RAC2: variants seen among roughly 807,000 people sequenced by gnomAD.
RAC2 encodes the protein Rac family small GTPase 2, also known as ras-related C3 botulinum toxin substrate 2.
Under a neutral mutation model 24.0 loss-of-function variants are expected in RAC2, and 1 was observed. The ratio of observed to expected loss-of-function variants is 0.04; its 90% CI spans 0.01 to 0.20. The LOEUF (loss-of-function observed/expected upper bound fraction) is 0.20. RAC2 is among the 10% of genes least tolerant of loss of function. The pLI, the probability that RAC2 is intolerant of heterozygous loss-of-function variation, is 1.00. For missense variants in RAC2, 130 were observed against 259.1 expected, an observed-to-expected ratio of 0.50 and a Z score of 3.42; for synonymous variants, 114 against 106.8, an observed-to-expected ratio of 1.07 and a Z score of -0.41.
intron 2 of RAC2, among the ~76,000 whole-genome samples, chr22:37,234,619 C>T: frequency 6.6e-6 from 1 of 152,178 alleles, no homozygotes; most frequent in East Asian, 1.9e-4. Flanking sequence ...CTACTCCTCC[C>T]CTCGCACACC....
intron 2 of RAC2, among the ~76,000 whole-genome samples, chr22:37,233,151 TC>T (rs1927122338): frequency 6.6e-6 from 1 of 152,226 alleles, no homozygotes; most frequent in Non-Finnish European, 1.5e-5. Flanking sequence ...TGTCTCTTAA[TC>T]CTTTTCCTAC....
intron 2 of RAC2, among the ~76,000 whole-genome samples, chr22:37,238,914 G>T (rs944214323): frequency 1.4e-4 from 21 of 152,202 alleles, no homozygotes; most frequent in African/African-American, 4.8e-4. Flanking sequence ...ATGGCTGGCA[G>T]CATGGGGAGC....
intron 2 of RAC2, among the ~76,000 whole-genome samples, chr22:37,235,473 G>A (rs1397051777): frequency 6.6e-6 from 1 of 152,108 alleles, no homozygotes; most frequent in Non-Finnish European, 1.5e-5. Context: ...CAGCCATGTC[G>A]GGGCTACCAC....
At chr22:37,234,502 C>T (rs931000246) in intron 2 of RAC2, among the ~76,000 whole-genome samples, 1 of 152,296 alleles carries the variant, frequency 6.6e-6, no homozygotes, top group East Asian at 1.9e-4. Context: ...ATGCCCTCAC[C>T]GCCTGCCCCT....
chr22:37,243,599 C>T (rs898840382), intron 1 of RAC2, among the ~76,000 whole-genome samples: 1 of 152,146 alleles, frequency 6.6e-6, no homozygotes, highest in African/African-American at 2.4e-5. Flanking sequence ...GACAGCCACT[C>T]AGCTTATCTC....
intron 2 of RAC2, among the ~76,000 whole-genome samples, chr22:37,240,010 C>T (rs750707131): frequency 6.6e-6 from 1 of 152,190 alleles, no homozygotes; most frequent in African/African-American, 2.4e-5. Flanking sequence ...GGGGCAAAAG[C>T]GGCTTTCTAG....
Position 37,244,250 on chromosome 22 carries a change from C to T in RAC2, c.-102G>A. The T allele has an allele frequency of 7.5e-7, 1 of 1,338,054 alleles. No individual in the cohort carries two copies. 82.9% of individuals were successfully genotyped at this position (1,338,054 alleles called of 1,614,324 possible). On this transcript the variant is annotated 5_prime_UTR_variant, in exon 1 of 7. Transcript: ENST00000249071. ...GGCTGGTGAGGCGCCTGCTGAGGAGCAGCGGTGGTGGGGCAGGAGGAAACG... is the reference window on the plus strand; with the variant it reads ...GGCTGGTGAGGCGCCTGCTGAGGAGTAGCGGTGGTGGGGCAGGAGGAAACG...
rs759162928 is a variant in RAC2 at position 37,241,607 on chromosome 22, G to A, written c.87C>T (p.Pro29=). ...CTCACACGGTGGGGATGTACTCTCC[G>A]GGAAAGGCGTTGGTGGTGTAGCTGA... is the stretch of plus-strand genomic sequence containing the variant. ...LLISYTTNAF[P]GEYIPTVFDN... is the part of the protein sequence containing the mutation. Residue 29 remains proline, a synonymous_variant, in exon 2 of 7, where the codon CCC becomes CCT. Coordinates refer to ENST00000249071, the MANE Select transcript of RAC2 (RefSeq NM_002872.5). 31 of 1,613,810 alleles carry A rather than the reference G, an allele frequency of 1.9e-5. No individual in the cohort carries two copies. The highest frequency in any genetic ancestry group is 4.5e-5 in the East Asian group (2 of 44,892).
chr22:37,240,838 G>T, intron 2 of RAC2: 2 of 595,982 alleles, frequency 3.4e-6, no homozygotes, highest in Non-Finnish European at 6.1e-6. Context: ...TATGGGGAGA[G>T]AGAACAGCTT....
Position 37,231,189 on chromosome 22 carries a change from T to A in RAC2, c.448+42A>T, listed in dbSNP as rs771590910. 3 of 1,610,290 alleles carry A rather than the reference T, an allele frequency of 1.9e-6. No homozygotes were observed. In the South Asian group the frequency reaches 3.3e-5, roughly 18 times the overall value. The stretch of plus-strand genomic sequence containing the variant: ...CACACCACGAGGCCAAGTCAGGGCC[T>A]CCCCTGCAGCCAGATCGCCCCTCTG... On this transcript the variant is annotated intron_variant, in intron 5 of 6. Transcript: ENST00000249071. This position sits in a 1 kb window ranked among gnomAD's most constrained non-coding sequence, Gnocchi z 5.5.
chr22:37,231,284 T>C lies in RAC2; in HGVS notation c.395A>G (p.Lys132Arg). The change falls in exon 5 of 7, where the codon AAG becomes AGG. Residue 132 changes from lysine (K) to arginine (R), a missense_variant. By Grantham distance (26) the Lys-to-Arg change is conservative. Transcript: ENST00000249071. The surrounding 1 kb of genome is among the most constrained non-coding windows in gnomAD (Gnocchi z 5.5). Reference protein sequence around the residue: ...DKDTIEKLKEKKLAPITYPQG... With the variant: ...DKDTIEKLKERKLAPITYPQG... ...CGGGTAGGTGATGGGAGCCAGCTTC[T>C]TCTCCTTCAGTTTCTCGATGGTGTC... 1.9e-6 allele frequency: 3 copies of C among 1,613,934 alleles called. No individual in the cohort carries two copies. Among genetic ancestry groups the C allele is most frequent in the Non-Finnish European group, 2.5e-6 (3 of 1,179,996 alleles).
Position 37,231,160 on chromosome 22 carries a change from C to A in RAC2, c.448+71G>T. On this transcript the variant is annotated intron_variant, in intron 5 of 6. Coordinates refer to ENST00000249071, the MANE Select transcript of RAC2 (RefSeq NM_002872.5). The surrounding 1 kb of genome is among the most constrained non-coding windows in gnomAD (Gnocchi z 5.5). Reference sequence around the variant, plus strand: ...AGCCTGGCCCTGCAGCCCGTGTTTACAATCACACCACGAGGCCAAGTCAGG... The same window carrying A: ...AGCCTGGCCCTGCAGCCCGTGTTTAAAATCACACCACGAGGCCAAGTCAGG... 2.5e-6 allele frequency: 4 copies of A among 1,575,064 alleles called. No homozygotes were observed. The highest frequency in any genetic ancestry group is 3.5e-6 in the Non-Finnish European group (4 of 1,147,652).
intron 6 of RAC2, 53 bp downstream of exon 6, chr22:37,226,618 C>T: frequency 1.9e-6 from 3 of 1,599,014 alleles, no homozygotes; most frequent in Non-Finnish European, 2.6e-6. Context: ...GGCCACTGCT[C>T]AGCCAGGGCC....
intron 5 of RAC2, among the ~76,000 whole-genome samples, chr22:37,227,696 G>A (rs1278811186): frequency 2.2e-4 from 7 of 32,524 alleles, no homozygotes; most frequent in Non-Finnish European, 4.1e-4. Context: ...CCTCCATGCC[G>A]TACACCCCCT....
intron 2 of RAC2, chr22:37,240,967 G>C (rs1220930148): frequency 2.8e-6 from 2 of 710,450 alleles, no homozygotes; most frequent in African/African-American, 3.5e-5. Flanking sequence ...TTGAGTGAAG[G>C]CCATCAGGAG....
At chr22:37,243,190 G>A (rs936284918) in intron 1 of RAC2, among the ~76,000 whole-genome samples, 6 of 152,136 alleles carry the variant, frequency 3.9e-5, no homozygotes, top group African/African-American at 1.4e-4. Flanking sequence ...TATAGACATA[G>A]GTTCTCGCTA....
In RAC2 at chr22:37,231,996, T is replaced by C; in HGVS notation, c.226-2A>G. 1 of 1,537,784 alleles carries C rather than the reference T, an allele frequency of 6.5e-7. No homozygotes were observed. Among genetic ancestry groups the C allele is most frequent in the Non-Finnish European group, 8.7e-7 (1 of 1,143,266 alleles). ...GGAGAAGCAGATGAGGAAGACGTCC[T>C]GGGGACAGAGCAAGCGAGGTTGCTA... On this transcript the variant is annotated splice_acceptor_variant, in intron 3 of 6. Coordinates refer to ENST00000249071, the MANE Select transcript of RAC2 (RefSeq NM_002872.5). LOFTEE classifies it high-confidence loss of function. This position sits in a 1 kb window ranked among gnomAD's most constrained non-coding sequence, Gnocchi z 5.5.
At position 37,231,310 on chromosome 22, in the gene RAC2, C is replaced by T. The variant is rs1927053210; in HGVS notation, c.369G>A (p.Lys123=). The change falls in exon 5 of 7, where the codon AAG becomes AAA. Residue 123 remains lysine, a synonymous_variant. Transcript: ENST00000249071. This position sits in a 1 kb window ranked among gnomAD's most constrained non-coding sequence, Gnocchi z 5.5. The part of the protein sequence containing the change: ...VGTKLDLRDD[K]DTIEKLKEKK... ...TCTCCTTCAGTTTCTCGATGGTGTCCTTGTCGTCCCGCAGGTCCAGCTTGG... is the reference window on the plus strand; with the variant it reads ...TCTCCTTCAGTTTCTCGATGGTGTCTTTGTCGTCCCGCAGGTCCAGCTTGG... 2.5e-6 allele frequency: 4 copies of T among 1,614,134 alleles called. No individual in the cohort carries two copies. The highest frequency in any genetic ancestry group is 1.3e-5 in the African/African-American group (1 of 75,028).
At chr22:37,243,223 C>T (rs1164077410) in intron 1 of RAC2, among the ~76,000 whole-genome samples, 1 of 152,168 alleles carries the variant, frequency 6.6e-6, no homozygotes, top group Non-Finnish European at 1.5e-5. Flanking sequence ...TGGTCTCAAG[C>T]TCCTGGCCTC....
Sources: gnomAD v4.1 joint callset for allele counts (sites outside exome capture counted in the v4.1 genomes callset) on GRCh38, gnomAD v4.1.1 for gene constraint, Gnocchi (gnomAD v3.1) non-coding constraint, MANE v1.5 for transcripts, NCBI Gene and HGNC (gene_info 2026-07-23, HGNC 2026-07-21) for gene names.